The following MAF variants were observed in gnomAD, a reference collection of about 807,000 sequenced individuals.
MAF encodes the protein transcription factor Maf.
A neutral mutation model predicts 22.0 loss-of-function variants in MAF; 10 were observed. The observed-to-expected ratio is 0.45, with a 90% CI of 0.28 to 0.77. MAF has a LOEUF of 0.77. Ranked by LOEUF, MAF falls within the 30% of genes least tolerant of loss-of-function variation. The pLI is 0.12. For missense variants in MAF, 544 were observed against 548.4 expected, an observed-to-expected ratio of 0.99 and a Z score of 0.08; for synonymous variants, 337 against 255.8, an observed-to-expected ratio of 1.32 and a Z score of -3.03.
the MAF span, among the ~76,000 whole-genome samples, chr16:79,218,953 T>A: frequency 6.6e-6 from 1 of 152,126 alleles, no homozygotes; most frequent in Non-Finnish European, 1.5e-5. Context: ...CTGGCTTAGG[T>A]ATTTACCCCA....
chr16:79,539,887 G>A, the MAF span, among the ~76,000 whole-genome samples: 1 of 152,152 alleles, frequency 6.6e-6, no homozygotes, highest in Non-Finnish European at 1.5e-5. Context: ...TAAAAATGGT[G>A]ATTTTTTTCT....
At chr16:79,434,372 A>G in the MAF span, among the ~76,000 whole-genome samples, 433 of 152,258 alleles carry the variant, frequency 2.8e-3, 9 homozygotes, top group Admixed American at 0.022. Flanking sequence ...AAGTTTGCCA[A>G]TTTCTATGGT....
At chr16:79,250,162 G>T in the MAF span, among the ~76,000 whole-genome samples, 1 of 152,184 alleles carries the variant, frequency 6.6e-6, no homozygotes, top group Non-Finnish European at 1.5e-5. Context: ...TTCAGGAGAA[G>T]GACTCCACCA....
At chr16:79,217,764 T>A in the MAF span, among the ~76,000 whole-genome samples, 1 of 152,114 alleles carries the variant, frequency 6.6e-6, no homozygotes, top group East Asian at 1.9e-4. Flanking sequence ...TTGCTGCAAC[T>A]TATCAATAGG....
At chr16:79,502,720 T>C in the MAF span, among the ~76,000 whole-genome samples, 528 of 23,572 alleles carry the variant, frequency 0.022, 27 homozygotes, top group Non-Finnish European at 0.029. Flanking sequence ...TATATATATA[T>C]ATATATATAT....
At chr16:79,213,911 A>G in the MAF span, among the ~76,000 whole-genome samples, 1 of 152,128 alleles carries the variant, frequency 6.6e-6, no homozygotes, top group Non-Finnish European at 1.5e-5. Context: ...TACTTCTCTT[A>G]TAATTTGGTC....
the MAF span, among the ~76,000 whole-genome samples, chr16:79,491,564 GT>G: frequency 6.6e-6 from 1 of 152,084 alleles, no homozygotes; most frequent in Non-Finnish European, 1.5e-5. Context: ...TGGTTTCTAA[GT>G]CCTGGTATCC....
At chr16:79,344,458 A>G in the MAF span, among the ~76,000 whole-genome samples, 6,400 of 152,300 alleles carry the variant, frequency 0.042, 417 homozygotes, top group African/African-American at 0.14. Context: ...GGCGCTCTTA[A>G]TAACTATGCT....
At chr16:79,471,685 A>G in the MAF span, among the ~76,000 whole-genome samples, 1 of 152,194 alleles carries the variant, frequency 6.6e-6, no homozygotes, top group African/African-American at 2.4e-5. Flanking sequence ...TCAGAAATGC[A>G]AACAAACAAA....
At chr16:79,402,107 T>C in the MAF span, among the ~76,000 whole-genome samples, 1 of 152,078 alleles carries the variant, frequency 6.6e-6, no homozygotes, top group Admixed American at 6.5e-5. Flanking sequence ...TCTAGCTGCC[T>C]GAGGCTAGCA....
the MAF span, among the ~76,000 whole-genome samples, chr16:79,412,071 G>T: frequency 4.6e-5 from 7 of 152,198 alleles, no homozygotes; most frequent in African/African-American, 1.7e-4. Context: ...GGCAGAGAGT[G>T]AGTGTTTTCT....
At chr16:79,495,571 C>G in the MAF span, among the ~76,000 whole-genome samples, 1 of 152,172 alleles carries the variant, frequency 6.6e-6, no homozygotes, top group East Asian at 1.9e-4. Context: ...TCTTCTTATG[C>G]CACAGTTTCT....
At chr16:79,541,940 G>A in the MAF span, among the ~76,000 whole-genome samples, 1 of 152,070 alleles carries the variant, frequency 6.6e-6, no homozygotes, top group African/African-American at 2.4e-5. Context: ...ACAGACATGA[G>A]CCAACAAGCC....
the MAF span, among the ~76,000 whole-genome samples, chr16:79,221,510 T>C: frequency 3.3e-5 from 5 of 152,202 alleles, no homozygotes; most frequent in African/African-American, 1.2e-4. Flanking sequence ...TCAATCTGAA[T>C]AGCAAATATT....
At chr16:79,584,025 A>G (rs2143682808), downstream of MAF, among the ~76,000 whole-genome samples, 1 of 152,260 alleles carries the variant, frequency 6.6e-6, no homozygotes, top group South Asian at 2.1e-4. Context: ...TGAAATAGAG[A>G]TTTTAATCTT....
the MAF span, among the ~76,000 whole-genome samples, chr16:79,227,465 G>A: frequency 6.6e-6 from 1 of 152,078 alleles, no homozygotes; most frequent in African/African-American, 2.4e-5. Flanking sequence ...TATTCAACAA[G>A]AGACTTTTTT....
At chr16:79,557,140 T>A in the MAF span, among the ~76,000 whole-genome samples, 1 of 150,146 alleles carries the variant, frequency 6.7e-6, no homozygotes, top group African/African-American at 2.5e-5. Flanking sequence ...CAGCCAACAC[T>A]CCTTTCAACA....
At chr16:79,327,859 C>T in the MAF span, among the ~76,000 whole-genome samples, 1 of 152,196 alleles carries the variant, frequency 6.6e-6, no homozygotes, top group Non-Finnish European at 1.5e-5. Context: ...ACATTCATTC[C>T]TATGTAAATA....
the MAF span, among the ~76,000 whole-genome samples, chr16:79,234,446 C>A: frequency 6.6e-6 from 1 of 152,120 alleles, no homozygotes; most frequent in African/African-American, 2.4e-5. Context: ...TAGCTTGTCT[C>A]ATTATGCTCA....
Sources: gnomAD v4.1 joint callset for allele counts (sites outside exome capture counted in the v4.1 genomes callset) on GRCh38, gnomAD v4.1.1 for gene constraint, MANE v1.5 for transcripts, NCBI Gene and HGNC (gene_info 2026-07-23, HGNC 2026-07-21) for gene names.